LRRFIP2: variants seen among roughly 807,000 people sequenced by gnomAD.
LRRFIP2 encodes leucine-rich repeat flightless-interacting protein 2.
Under a neutral mutation model 125.9 loss-of-function variants are expected in LRRFIP2, and 109 were observed. The ratio of observed to expected loss-of-function variants is 0.87; its 90% CI spans 0.74 to 1.01. The LOEUF is 1.01. LRRFIP2 is among the 50% of genes least tolerant of loss of function. The probability of loss-of-function intolerance (pLI) is 0.00; values close to 1 mark genes in which losing one functional copy is unlikely to be tolerated. For missense variants in LRRFIP2, 850 were observed against 862.3 expected, an observed-to-expected ratio of 0.99 and a Z score of 0.18; for synonymous variants, 291 against 293.1, an observed-to-expected ratio of 0.99 and a Z score of 0.07.
chr3:37,133,328 A>G (rs2095477049), intron 2 of LRRFIP2, among the ~76,000 whole-genome samples: 1 of 152,232 alleles, frequency 6.6e-6, no homozygotes, highest in South Asian at 2.1e-4. Context: ...ACTGGAAAGC[A>G]GAGACAACAT....
chr3:37,071,883 A>T (rs1181488777), intron 21 of LRRFIP2, among the ~76,000 whole-genome samples: 2 of 152,024 alleles, frequency 1.3e-5, no homozygotes, highest in Non-Finnish European at 2.9e-5. Context: ...ACTGGAGGGA[A>T]TTTTTTCCAG....
At chr3:37,055,836 TC>T (rs1382233487) in intron 25 of LRRFIP2, among the ~76,000 whole-genome samples, 1 of 152,114 alleles carries the variant, frequency 6.6e-6, no homozygotes. Context: ...GCCCTCTAGT[TC>T]CCTGAACGCG....
At chr3:37,133,753 G>A (rs192028611) in intron 2 of LRRFIP2, among the ~76,000 whole-genome samples, 1 of 152,194 alleles carries the variant, frequency 6.6e-6, no homozygotes, top group Admixed American at 6.5e-5. Flanking sequence ...TGGATGTAAT[G>A]CCACTAAACT....
intron 24 of LRRFIP2, among the ~76,000 whole-genome samples, chr3:37,062,475 T>G (rs2089031375): frequency 6.6e-6 from 1 of 152,118 alleles, no homozygotes; most frequent in Admixed American, 6.5e-5. Context: ...GCTCCTAGAA[T>G]TGACAGGGGC....
At chr3:37,097,519 GTGT>G (rs1364974707) in intron 15 of LRRFIP2, among the ~76,000 whole-genome samples, 1 of 152,120 alleles carries the variant, frequency 6.6e-6, no homozygotes, top group Non-Finnish European at 1.5e-5. Flanking sequence ...ATCAAGAATA[GTGT>G]CTGGCATAGA....
At chr3:37,115,175 T>A (rs1384866797) in intron 6 of LRRFIP2, 80 bp from the exon 7 acceptor site, 1 of 989,600 alleles carries the variant, frequency 1.0e-6, no homozygotes, top group African/African-American at 1.6e-5. Flanking sequence ...TATTTGAGGT[T>A]ATTTTAAAAA....
intron 24 of LRRFIP2, among the ~76,000 whole-genome samples, chr3:37,061,570 TTTAG>T (rs1245303136): frequency 6.6e-6 from 1 of 151,912 alleles, no homozygotes; most frequent in African/African-American, 2.4e-5. Context: ...TTTGTATATT[TTTAG>T]TAGAGTTGGG....
intron 13 of LRRFIP2, among the ~76,000 whole-genome samples, chr3:37,106,398 T>A (rs982886184): frequency 6.6e-6 from 1 of 152,188 alleles, no homozygotes; most frequent in African/African-American, 2.4e-5. Context: ...GTGTAGTTTA[T>A]CTCCATTCTA....
At position 37,071,137 on chromosome 3, in the gene LRRFIP2, G is replaced by C. The variant is rs114663776; in HGVS notation, c.1464+1653C>G. Among the ~76,000 whole-genome samples the C allele has an allele frequency of 9.1e-3, 1,390 of 152,276 alleles. 25 individuals are homozygous for C. Among genetic ancestry groups the C allele is most frequent in the African/African-American group, 0.032 (1,327 of 41,540 alleles). ...ATTTATTCCCCAGAAGGCTTTTCTA[G>C]GTTTAGATGGAATTTTTAATACTCA... On this transcript the variant is annotated intron_variant, in intron 21 of 27. Coordinates refer to ENST00000336686, the MANE Select transcript of LRRFIP2 (RefSeq NM_006309.4).
At chr3:37,087,096 C>T (rs6766842) in intron 18 of LRRFIP2, among the ~76,000 whole-genome samples, 6,374 of 152,170 alleles carry the variant, frequency 0.042, 400 homozygotes, top group African/African-American at 0.13. Flanking sequence ...TCAAGTGATC[C>T]ACCCACCTTG....
intron 1 of LRRFIP2, among the ~76,000 whole-genome samples, chr3:37,165,613 G>A (rs1027413920): frequency 2.0e-5 from 3 of 151,788 alleles, no homozygotes; most frequent in Non-Finnish European, 4.4e-5. Context: ...TTAGCTGGGC[G>A]TGGTGGCAGG....
intron 2 of LRRFIP2, among the ~76,000 whole-genome samples, chr3:37,136,058 G>A (rs1211720099): frequency 1.3e-5 from 2 of 152,158 alleles, no homozygotes; most frequent in African/African-American, 2.4e-5. Context: ...ACTGATGAAC[G>A]AATAAACCAG....
intron 2 of LRRFIP2, chr3:37,143,425 CT>C (rs2095769925): frequency 1.2e-5 from 2 of 173,886 alleles, no homozygotes; most frequent in Admixed American, 1.2e-4. Flanking sequence ...AAGGCAATGC[CT>C]CTTGCTGCTT....
intron 18 of LRRFIP2, among the ~76,000 whole-genome samples, chr3:37,089,451 G>C (rs3821824): frequency 0.35 from 53,369 of 151,988 alleles, 10,540 homozygotes; most frequent in Non-Finnish European, 0.45. Flanking sequence ...CAAGCAATGA[G>C]CCAACATCCT....
At chr3:37,069,153 G>A (rs2090702786) in intron 21 of LRRFIP2, among the ~76,000 whole-genome samples, 3 of 152,208 alleles carry the variant, frequency 2.0e-5, no homozygotes, top group Non-Finnish European at 2.9e-5. Flanking sequence ...ATGTAAAATG[G>A]TACATCTGCT....
At chr3:37,093,521 G>A (rs769864010) in intron 17 of LRRFIP2, among the ~76,000 whole-genome samples, 2 of 151,938 alleles carry the variant, frequency 1.3e-5, no homozygotes, top group Non-Finnish European at 2.9e-5. Context: ...CCAGTCTCTC[G>A]TATTCACTCC....
chr3:37,069,450 A>G (rs1576008777), intron 21 of LRRFIP2, among the ~76,000 whole-genome samples: 1 of 152,348 alleles, frequency 6.6e-6, no homozygotes, highest in East Asian at 1.9e-4. Context: ...CATAATGCCA[A>G]GTGAAATAAA....
At chr3:37,154,621 A>T (rs916465598) in intron 1 of LRRFIP2, 19 of 152,270 alleles carry the variant, frequency 1.2e-4, no homozygotes, top group African/African-American at 4.6e-4. Flanking sequence ...TACAGAAAAG[A>T]AGGAAAGTAT....
intron 19 of LRRFIP2, among the ~76,000 whole-genome samples, chr3:37,083,411 C>T (rs2092794687): frequency 6.6e-6 from 1 of 152,060 alleles, no homozygotes; most frequent in African/African-American, 2.4e-5. Flanking sequence ...ATTCTATTTT[C>T]AGAAACTTAA....
Sources: gnomAD v4.1 joint callset for allele counts (sites outside exome capture counted in the v4.1 genomes callset) on GRCh38, gnomAD v4.1.1 for gene constraint, MANE v1.5 for transcripts, NCBI Gene and HGNC (gene_info 2026-07-23, HGNC 2026-07-21) for gene names.